Variants in CXCL13 observed in about 807,000 individuals in gnomAD.
The protein encoded by CXCL13 is C-X-C motif chemokine ligand 13.
In CXCL13, 7 loss-of-function variants were observed where a neutral mutation model predicts 12.2. The ratio of observed to expected loss-of-function variants is 0.57; its 90% CI spans 0.33 to 1.07. The LOEUF is 1.07. CXCL13 is among the 50% of genes least tolerant of loss of function. The pLI, the probability that CXCL13 is intolerant of heterozygous loss-of-function variation, is 0.04. For synonymous variants in CXCL13, 47 were observed against 42.4 expected (o/e 1.11, Z -0.42); for missense variants, 113 against 127.4 (o/e 0.89, Z 0.55).
chr4:77,521,335 C>T (rs1261080529), intron 1 of CXCL13, among the ~76,000 whole-genome samples: 1 of 152,184 alleles, frequency 6.6e-6, no homozygotes, highest in East Asian at 1.9e-4. Flanking sequence ...AGCTGTGAAT[C>T]CATCTGGTCC....
chr4:77,518,756 C>T (rs190274868), intron 1 of CXCL13, among the ~76,000 whole-genome samples: 176 of 152,026 alleles, frequency 1.2e-3, no homozygotes, highest in Admixed American at 4.4e-3. Flanking sequence ...TCCTGTAGCT[C>T]ATAGTTTGAT....
chr4:77,525,916 G>GT lies in CXCL13; in HGVS notation c.-43+14131dup, dbSNP rs144567678. Among the ~76,000 whole-genome samples, 1,278 of 137,096 alleles carry GT rather than the reference G, an allele frequency of 9.3e-3. 10 individuals carry two copies. Among genetic ancestry groups the GT allele is most frequent in the African/African-American group, 0.018 (611 of 33,566 alleles). 89.9% of individuals were successfully genotyped at this position (137,096 alleles called of 152,430 possible). A position where few individuals can be genotyped will look rare whatever the true frequency, so the allele number is the denominator to read the frequency against. On this transcript the variant is annotated intron_variant, in intron 1 of 4. Transcript: ENST00000286758. Reference sequence around the variant, plus strand: ...AAGGTAGGCTTTTTTTAAATTGTGGGTTTGTTTTTTTTTTATTATTTTTGC... The same window carrying GT: ...AAGGTAGGCTTTTTTTAAATTGTGGGTTTTGTTTTTTTTTTATTATTTTTGC...
chr4:77,572,336 G>T (rs1292171044), intron 1 of CXCL13, among the ~76,000 whole-genome samples: 1 of 151,892 alleles, frequency 6.6e-6, no homozygotes, highest in Admixed American at 6.5e-5. Flanking sequence ...GGGAGGTGGA[G>T]GTTGCAGTGA....
chr4:77,540,560 T>C (rs954106216), intron 1 of CXCL13, among the ~76,000 whole-genome samples: 1 of 152,150 alleles, frequency 6.6e-6, no homozygotes, highest in Non-Finnish European at 1.5e-5. Flanking sequence ...CTTAGGATAA[T>C]GGCCTCCAGC....
chr4:77,611,145 C>G lies in CXCL13; in HGVS notation c.*106C>G, dbSNP rs912476115. 3 of 947,422 alleles carry G rather than the reference C, an allele frequency of 3.2e-6. No homozygotes were observed. The African/African-American group carries it at 4.9e-5, about 16-fold the overall frequency. 58.7% of individuals were successfully genotyped at this position (947,422 alleles called of 1,614,324 possible). On this transcript the variant is annotated 3_prime_UTR_variant, in exon 4 of 4. Coordinates refer to ENST00000682537, the MANE Select transcript of CXCL13 (RefSeq NM_001371558.1). ...TTCCAGGAAAAAGAACTTCCCCATA[C>G]AAATAAGCATGAGACTATGTAAAAA...
chr4:77,557,523 C>T (rs1725687620), intron 1 of CXCL13, among the ~76,000 whole-genome samples: 1 of 152,192 alleles, frequency 6.6e-6, no homozygotes, highest in Non-Finnish European at 1.5e-5. Flanking sequence ...TCTAGTTTTT[C>T]CTCAGGGACA....
chr4:77,610,648 G>C lies in CXCL13; in HGVS notation c.232G>C (p.Asp78His). 6.2e-7 allele frequency: 1 copy of C among 1,613,458 alleles called. No homozygotes were observed. Among genetic ancestry groups the C allele is most frequent in the Non-Finnish European group, 8.5e-7 (1 of 1,179,430 alleles). The change falls in exon 3 of 4, where the codon GAC becomes CAC. Residue 78 changes from aspartate to histidine, a missense_variant. Coordinates refer to ENST00000682537, the MANE Select transcript of CXCL13 (RefSeq NM_001371558.1). ...GAAGAACAAGTCAATTGTGTGTGTG[G>C]ACCCTCAAGCTGAATGGATACAAAG... ...WKKNKSIVCV[D>H]PQAEWIQRMM...
At chr4:77,548,097 A>T (rs531342399) in intron 1 of CXCL13, among the ~76,000 whole-genome samples, 2 of 152,330 alleles carry the variant, frequency 1.3e-5, no homozygotes, top group East Asian at 3.9e-4. Flanking sequence ...TATATAAAAG[A>T]AATAAAACAG....
intron 1 of CXCL13, among the ~76,000 whole-genome samples, chr4:77,544,356 CCCA>C (rs1186898639): frequency 6.6e-6 from 1 of 152,176 alleles, no homozygotes; most frequent in Non-Finnish European, 1.5e-5. Flanking sequence ...AGTTTAGACT[CCCA>C]CCAACAGTGT....
intron 1 of CXCL13, among the ~76,000 whole-genome samples, chr4:77,521,762 T>G (rs560082855): frequency 5.9e-5 from 9 of 152,260 alleles, no homozygotes; most frequent in African/African-American, 1.9e-4. Context: ...GCTTTTGAAT[T>G]TGTTTGCTCT....
intron 1 of CXCL13, among the ~76,000 whole-genome samples, chr4:77,553,823 T>G (rs1725591819): frequency 6.6e-6 from 1 of 152,184 alleles, no homozygotes; most frequent in Non-Finnish European, 1.5e-5. Flanking sequence ...AAATAAATTT[T>G]TTTTTAAAAA....
chr4:77,531,126 TTA>T (rs879688013), intron 1 of CXCL13, among the ~76,000 whole-genome samples: 415 of 148,474 alleles, frequency 2.8e-3, no homozygotes, highest in Non-Finnish European at 3.8e-3. Context: ...ATTATTATTA[TTA>T]TTATCATTAT....
chr4:77,589,976 C>T (rs1358027764), intron 1 of CXCL13, among the ~76,000 whole-genome samples: 2 of 152,078 alleles, frequency 1.3e-5, no homozygotes, highest in African/African-American at 2.4e-5. Context: ...TCCCCATATT[C>T]GCATCTCCCA....
chr4:77,557,405 A>G (rs1354878338), intron 1 of CXCL13, among the ~76,000 whole-genome samples: 1 of 152,198 alleles, frequency 6.6e-6, no homozygotes, highest in East Asian at 1.9e-4. Context: ...TGGAAACTGG[A>G]CAATGGATCA....
chr4:77,579,751 T>C (rs1726273996), intron 1 of CXCL13, among the ~76,000 whole-genome samples: 1 of 152,212 alleles, frequency 6.6e-6, no homozygotes, highest in African/African-American at 2.4e-5. Flanking sequence ...AATGCTCTGC[T>C]TCTTTGCAGA....
intron 1 of CXCL13, among the ~76,000 whole-genome samples, chr4:77,567,087 C>T (rs554096729): frequency 2.6e-5 from 4 of 152,310 alleles, no homozygotes; most frequent in Middle Eastern, 3.4e-3. Context: ...ACCCTCTCCA[C>T]CCTTGAGAAG....
At chr4:77,516,592 C>T (rs1185851175) in intron 1 of CXCL13, among the ~76,000 whole-genome samples, 6 of 152,168 alleles carry the variant, frequency 3.9e-5, no homozygotes, top group Non-Finnish European at 8.8e-5. Flanking sequence ...AGTTTATTTG[C>T]ATAGAGGTGT....
At chr4:77,594,136 CA>C (rs1183377840) in intron 1 of CXCL13, among the ~76,000 whole-genome samples, 2 of 152,150 alleles carry the variant, frequency 1.3e-5, no homozygotes, top group Admixed American at 1.3e-4. Flanking sequence ...CAGTGTGATG[CA>C]AAAAGCACTG....
At chr4:77,607,156 G>A (rs1018834266) in intron 1 of CXCL13, among the ~76,000 whole-genome samples, 6 of 152,052 alleles carry the variant, frequency 3.9e-5, no homozygotes, top group Admixed American at 6.5e-5. Context: ...TCATGTCCTC[G>A]GTTTTTATGT....
Sources: allele counts gnomAD v4.1 joint callset (sites outside exome capture counted in the v4.1 genomes callset), GRCh38; gene constraint gnomAD v4.1.1; transcripts MANE v1.5; gene names NCBI Gene and HGNC (gene_info 2026-07-23, HGNC 2026-07-21).